Variants in TBX21 observed in about 807,000 individuals in gnomAD.
TBX21 encodes the protein T-box transcription factor 21.
TBX21 carries 11 observed loss-of-function variants against 52.2 expected under a neutral mutation model. The ratio of observed to expected loss-of-function variants is 0.21; its 90% CI spans 0.13 to 0.35. The LOEUF (loss-of-function observed/expected upper bound fraction) is 0.35. Among genes scored for constraint, TBX21 ranks in the 10% least tolerant of loss-of-function variants. The probability of loss-of-function intolerance (pLI) is 1.00; values close to 1 mark genes in which losing one functional copy is unlikely to be tolerated. For synonymous variants in TBX21, 300 were observed against 316.1 expected (o/e 0.95, Z 0.54); for missense variants, 625 against 755.1 (o/e 0.83, Z 2.02).
At chr17:47,734,618 T>TGTGGGTGTGTGTGTATGGGGGCTA (rs1567918972) in intron 1 of TBX21, among the ~76,000 whole-genome samples, 2 of 112,208 alleles carry the variant, frequency 1.8e-5, no homozygotes. Flanking sequence ...TGTATGTGTG[T>TGTGGGTGTGTGTGTATGGGGGCTA]GTGGGTGTGT....
rs1381062623 is a variant in TBX21 at position 47,745,818 on chromosome 17, G to A, written c.*452G>A. ...CCTGATCCAAAAAGAACAAATACAC[G>A]TATGTTATAACCATCAGCCCGCCAG... On this transcript the variant is annotated 3_prime_UTR_variant, in exon 6 of 6. Transcript: ENST00000177694. 4.4e-5 allele frequency: 7 copies of A among 158,208 alleles called. No individual in the cohort carries two copies. The highest frequency in any genetic ancestry group is 1.9e-4 in the East Asian group (1 of 5,308). The allele number at this position is 158,208 out of a possible 1,614,324, so 9.8% of individuals were successfully genotyped here.
At chr17:47,743,644 G>C (rs2032293052) in intron 3 of TBX21, among the ~76,000 whole-genome samples, 1 of 152,116 alleles carries the variant, frequency 6.6e-6, no homozygotes, top group Non-Finnish European at 1.5e-5. Flanking sequence ...CACTTTGGGA[G>C]GCCAAGGCGG....
intron 1 of TBX21, among the ~76,000 whole-genome samples, chr17:47,736,209 CA>C: frequency 6.6e-6 from 1 of 152,280 alleles, no homozygotes; most frequent in South Asian, 2.1e-4. Flanking sequence ...CCACTACATA[CA>C]AACATGGACA....
Position 47,733,617 on chromosome 17 carries a change from G to C in TBX21, c.163G>C (p.Gly55Arg), listed in dbSNP as rs1418732322. The change falls in exon 1 of 6, where the codon GGG (glycine) becomes CGG (arginine). Residue 55 changes from glycine (G) to arginine (R), a missense_variant. Around this residue, in one of 4 missense-constraint regions of TBX21, gnomAD observed 221 missense variants for 204.9 expected, o/e 1.08. Coordinates refer to ENST00000177694, the MANE Select transcript of TBX21 (RefSeq NM_013351.2). This position sits in a 1 kb window ranked among gnomAD's most constrained non-coding sequence, Gnocchi z 6.6. ...ADERRGGGSL[G>R]SPYPGGALVP... ...CGAGCGTCGCGGGGGCGGCAGCCTG[G>C]GGTCTCCCTACCCGGGGGGCGCCTT... 1 of 1,454,418 alleles carries C rather than the reference G, an allele frequency of 6.9e-7. No individual in the cohort carries two copies. The highest frequency in any genetic ancestry group is 3.0e-5 in the East Asian group (1 of 33,054). The allele number at this position is 1,454,418 out of a possible 1,614,324, so 90.1% of individuals were successfully genotyped here.
intron 1 of TBX21, among the ~76,000 whole-genome samples, chr17:47,740,045 T>C (rs2032251311): frequency 6.6e-6 from 1 of 152,148 alleles, no homozygotes; most frequent in African/African-American, 2.4e-5. Context: ...TCTTCAAATA[T>C]AAAATTGGAA....
chr17:47,740,627 G>A (rs973403924), intron 1 of TBX21, among the ~76,000 whole-genome samples: 5 of 152,168 alleles, frequency 3.3e-5, no homozygotes, highest in South Asian at 2.1e-4. Context: ...GCTCTTGGGA[G>A]GCTGAGGCAG....
At chr17:47,738,458 T>C (rs1048765611) in intron 1 of TBX21, among the ~76,000 whole-genome samples, 4 of 152,202 alleles carry the variant, frequency 2.6e-5, no homozygotes, top group African/African-American at 9.7e-5. Context: ...AGGAGTTCCC[T>C]TGATGCCCAA....
In TBX21 at chr17:47,742,506, G is replaced by A; in HGVS notation, c.492-104G>A. On this transcript the variant is annotated intron_variant, in intron 1 of 5. Transcript: ENST00000177694. The surrounding 1 kb of genome is among the most constrained non-coding windows in gnomAD (Gnocchi z 4.4). ...TCCAGCTGGTTCTTGTGAGTGGGAGGAAGCCGGCTACAGCACACCACTGAT... is the reference window on the plus strand; with the variant it reads ...TCCAGCTGGTTCTTGTGAGTGGGAGAAAGCCGGCTACAGCACACCACTGAT... 1 of 1,369,736 alleles carries A rather than the reference G, an allele frequency of 7.3e-7. No homozygotes were observed. Among genetic ancestry groups the A allele is most frequent in the Non-Finnish European group, 9.7e-7 (1 of 1,032,776 alleles). The allele number at this position is 1,369,736 out of a possible 1,614,324, so 84.8% of individuals were successfully genotyped here. A position where few individuals can be genotyped will look rare whatever the true frequency, so the allele number is the denominator to read the frequency against.
chr17:47,739,145 A>G (rs374329780), intron 1 of TBX21, among the ~76,000 whole-genome samples: 7 of 152,158 alleles, frequency 4.6e-5, no homozygotes, highest in Admixed American at 3.3e-4. Context: ...GGGACGCTCA[A>G]TTTGACACCA....
At chr17:47,744,435 G>A (rs756793922) in intron 4 of TBX21, 47 bp from the exon 5 acceptor site, 5 of 1,613,878 alleles carry the variant, frequency 3.1e-6, no homozygotes, top group East Asian at 2.2e-5. Context: ...GAAAGTTCCC[G>A]AGCCCCAGAC....
At chr17:47,738,500 T>C (rs1456189527) in intron 1 of TBX21, among the ~76,000 whole-genome samples, 6 of 152,152 alleles carry the variant, frequency 3.9e-5, no homozygotes, top group Non-Finnish European at 2.9e-5. Flanking sequence ...GTACGACACA[T>C]TGCCAGAATA....
chr17:47,742,643 C>T lies in TBX21; in HGVS notation c.525C>T (p.Ala175=), dbSNP rs767879291. Residue 175 remains alanine (A), a synonymous_variant, in exon 2 of 6, where the codon GCC becomes GCT. Transcript: ENST00000177694. The surrounding 1 kb of genome is among the most constrained non-coding windows in gnomAD (Gnocchi z 4.4). ...TCCCATTCCTGTCATTTACTGTGGC[C>T]GGGCTGGAGCCCACCAGCCACTACA... ...RMFPFLSFTV[A]GLEPTSHYRM... is the part of the protein sequence containing the mutation. 1.7e-5 allele frequency: 28 copies of T among 1,600,594 alleles called. No individual in the cohort carries two copies. Among genetic ancestry groups the T allele is most frequent in the Admixed American group, 3.5e-5 (2 of 57,426 alleles).
Position 47,733,630 on chromosome 17 carries a change from C to CG in TBX21, c.182dup (p.Ala62ArgfsTer62). 3.5e-6 allele frequency: 5 copies of CG among 1,449,142 alleles called. No individual in the cohort carries two copies. The highest frequency in any genetic ancestry group is 2.7e-5 in the Admixed American group (1 of 37,100). The allele number at this position is 1,449,142 out of a possible 1,614,324, so 89.8% of individuals were successfully genotyped here. On this transcript the variant is annotated frameshift_variant, in exon 1 of 6. Coordinates refer to ENST00000177694, the MANE Select transcript of TBX21 (RefSeq NM_013351.2). LOFTEE classifies it high-confidence loss of function. The surrounding 1 kb of genome is among the most constrained non-coding windows in gnomAD (Gnocchi z 6.6). ...GGCGGCAGCCTGGGGTCTCCCTACC[C>CG]GGGGGGCGCCTTGGTGCCCGCCCCG...
In TBX21 at chr17:47,733,389, C is replaced by A. The variant is rs1452432915; in HGVS notation, c.-66C>A. ...CCTGCTCCCTGCCCATCCCAGCCCA[C>A]GCGACCCTCTCGCGCGCGGAGGGGC... On this transcript the variant is annotated 5_prime_UTR_variant, in exon 1 of 6. Transcript: ENST00000177694. The surrounding 1 kb of genome is among the most constrained non-coding windows in gnomAD (Gnocchi z 6.6). The A allele has an allele frequency of 2.1e-6, 3 of 1,409,010 alleles. No individual in the cohort carries two copies. Among genetic ancestry groups the A allele is most frequent in the Non-Finnish European group, 2.8e-6 (3 of 1,087,724 alleles). The allele number at this position is 1,409,010 out of a possible 1,614,324, so 87.3% of individuals were successfully genotyped here.
At chr17:47,744,046 G>A (rs1406848132) in intron 3 of TBX21, 149 bp from the exon 4 acceptor site, 14 of 1,012,240 alleles carry the variant, frequency 1.4e-5, no homozygotes, top group Non-Finnish European at 1.9e-5. Context: ...GGAAAGCTTG[G>A]GGGAAGTTAC....
At chr17:47,737,110 C>T (rs186154898) in intron 1 of TBX21, among the ~76,000 whole-genome samples, 8 of 152,264 alleles carry the variant, frequency 5.3e-5, no homozygotes, top group East Asian at 3.9e-4. Flanking sequence ...GAGAACAAAA[C>T]GGTGGATTAT....
intron 3 of TBX21, 21 bp downstream of exon 3, chr17:47,743,213 G>A (rs748889917): frequency 6.2e-7 from 1 of 1,613,152 alleles, no homozygotes; most frequent in Non-Finnish European, 8.5e-7. Flanking sequence ...CTCTTCAAAA[G>A]GTAGCCTCGC....
chr17:47,734,040 G>A, intron 1 of TBX21, 95 bp downstream of exon 1: 2 of 1,584,658 alleles, frequency 1.3e-6, no homozygotes, highest in South Asian at 2.3e-5. Context: ...TTCTGACTCC[G>A]TGTCCCTCAC....
intron 3 of TBX21, 110 bp from the exon 4 acceptor site, chr17:47,744,085 A>G: frequency 7.2e-7 from 1 of 1,384,926 alleles, no homozygotes; most frequent in Non-Finnish European, 9.9e-7. Flanking sequence ...AATGGACAGG[A>G]TGACCTCAAG....
Sources: gnomAD v4.1 joint callset for allele counts (sites outside exome capture counted in the v4.1 genomes callset) on GRCh38, gnomAD v4.1.1 for gene constraint, gnomAD v4.1.1 regional missense constraint, Gnocchi (gnomAD v3.1) non-coding constraint, MANE v1.5 for transcripts, NCBI Gene and HGNC (gene_info 2026-07-23, HGNC 2026-07-21) for gene names.